Variants in EML4 observed in about 807,000 individuals in gnomAD.
The protein encoded by EML4 is echinoderm microtubule-associated protein-like 4.
Under a neutral mutation model 129.0 loss-of-function variants are expected in EML4, and 72 were observed. The ratio of observed to expected loss-of-function variants is 0.56; its 90% CI spans 0.46 to 0.68. The LOEUF (loss-of-function observed/expected upper bound fraction) is 0.68. Ranked by LOEUF, EML4 falls within the 30% of genes least tolerant of loss-of-function variation. EML4 has a pLI of 0.00. For missense variants in EML4, 1,363 were observed against 1,190.6 expected, an observed-to-expected ratio of 1.14 and a Z score of -2.13; for synonymous variants, 532 against 405.0, an observed-to-expected ratio of 1.31 and a Z score of -3.77.
At chr2:42,207,855 G>T (rs1022671636) in intron 1 of EML4, 5 of 152,130 alleles carry the variant, frequency 3.3e-5, no homozygotes, top group Non-Finnish European at 5.9e-5. Flanking sequence ...TAATTGTTCT[G>T]TGTTTTAGAC....
At chr2:42,176,357 A>C (rs1414499021) in intron 1 of EML4, among the ~76,000 whole-genome samples, 1 of 152,128 alleles carries the variant, frequency 6.6e-6, no homozygotes, top group Non-Finnish European at 1.5e-5. Context: ...TATTTTGTAC[A>C]GGGCCCTCAG....
Position 42,256,587 on chromosome 2 carries a change from G to A in EML4, c.295G>A (p.Val99Ile), listed in dbSNP as rs773766836. 3 of 1,613,878 alleles carry A rather than the reference G, an allele frequency of 1.9e-6. No homozygotes were observed. The highest frequency in any genetic ancestry group is 1.6e-4 in the Middle Eastern group (1 of 6,062). ...CAGAAAACCAAGTCATACCAGTGCT[G>A]TCTCAATTGCAGGAAAAGAAACTCT... is the stretch of plus-strand genomic sequence containing the variant. ...ANRKPSHTSA[V>I]SIAGKETLSS... is the part of the protein sequence containing the mutation. Residue 99 changes from valine to isoleucine, a missense_variant, in exon 3 of 23, where the codon GTC becomes ATC. Val to Ile is a conservative substitution (Grantham distance 29, BLOSUM62 3). Transcript: ENST00000318522.
At chr2:42,285,851 G>A (rs899892809) in intron 9 of EML4, 18 of 177,208 alleles carry the variant, frequency 1.0e-4, no homozygotes, top group African/African-American at 3.8e-4. Flanking sequence ...CGCCCGCCTC[G>A]GCCTCCCAAA....
chr2:42,283,460 TTTAAA>T (rs1468045285), intron 8 of EML4, among the ~76,000 whole-genome samples: 19 of 152,318 alleles, frequency 1.2e-4, no homozygotes, highest in Middle Eastern at 6.8e-3. Flanking sequence ...TTTAAATGCT[TTTAAA>T]TTATTTTGTT....
intron 13 of EML4, 80 bp from the exon 14 acceptor site, chr2:42,301,161 A>G: frequency 8.2e-7 from 1 of 1,221,972 alleles, no homozygotes; most frequent in Non-Finnish European, 1.2e-6. Context: ...CTCTAGTTCT[A>G]CTGAAGTTTT....
chr2:42,273,539 G>A (rs957451335), intron 6 of EML4, among the ~76,000 whole-genome samples: 1 of 152,116 alleles, frequency 6.6e-6, no homozygotes, highest in Non-Finnish European at 1.5e-5. Context: ...ACATGGTTAT[G>A]TCTCCAATCT....
At chr2:42,306,114 T>C (rs1338114530) in intron 17 of EML4, among the ~76,000 whole-genome samples, 1 of 152,212 alleles carries the variant, frequency 6.6e-6, no homozygotes, top group East Asian at 1.9e-4. Context: ...GGTGATACTT[T>C]GCAAATATAG....
chr2:42,209,686 TTGGGAG>T (rs1317934506), intron 1 of EML4, among the ~76,000 whole-genome samples: 1 of 152,224 alleles, frequency 6.6e-6, no homozygotes, highest in Non-Finnish European at 1.5e-5. Flanking sequence ...TCCCAGCACT[TTGGGAG>T]GCTGAGGCCT....
Position 42,256,608 on chromosome 2 carries a change from A to C in EML4, c.316A>C (p.Thr106Pro), listed in dbSNP as rs1468243793. The change falls in exon 3 of 23, where the codon ACT (threonine) becomes CCT (proline). Residue 106 changes from threonine (T) to proline (P), a missense_variant. Transcript: ENST00000318522. Reference protein sequence around the residue: ...TSAVSIAGKETLSSAAKSGTE... With the variant: ...TSAVSIAGKEPLSSAAKSGTE... ...TGCTGTCTCAATTGCAGGAAAAGAAACTCTTTCATCTGCTGCTAAAAGGTA... is the reference window on the plus strand; with the variant it reads ...TGCTGTCTCAATTGCAGGAAAAGAACCTCTTTCATCTGCTGCTAAAAGGTA... The C allele has an allele frequency of 6.2e-7, 1 of 1,613,740 alleles. No individual in the cohort carries two copies. Among genetic ancestry groups the C allele is most frequent in the African/African-American group, 1.3e-5 (1 of 75,022 alleles).
chr2:42,310,738 T>C (rs1164825425), intron 17 of EML4, among the ~76,000 whole-genome samples: 14 of 152,254 alleles, frequency 9.2e-5, no homozygotes. Flanking sequence ...TCATGGTGGC[T>C]CAGGCCCAAG....
intron 11 of EML4, chr2:42,288,559 C>A: frequency 4.1e-6 from 1 of 241,616 alleles, no homozygotes; most frequent in Non-Finnish European, 8.0e-6. Context: ...TTACTATAGT[C>A]CTGAAATGCC....
chr2:42,253,329 A>G (rs1052860719), intron 2 of EML4, among the ~76,000 whole-genome samples: 6 of 152,250 alleles, frequency 3.9e-5, no homozygotes. Context: ...GCAGATTTAT[A>G]GTAATTCGTC....
At chr2:42,268,372 C>T (rs775347656) in intron 6 of EML4, among the ~76,000 whole-genome samples, 1 of 152,182 alleles carries the variant, frequency 6.6e-6, no homozygotes, top group Non-Finnish European at 1.5e-5. Flanking sequence ...ATTTTGCTCT[C>T]TGCAGGAGAT....
intron 3 of EML4, 55 bp from the exon 4 acceptor site, chr2:42,261,065 GA>G (rs1181168497): frequency 3.0e-6 from 4 of 1,334,980 alleles, no homozygotes; most frequent in Non-Finnish European, 4.1e-6. Context: ...TCTATCGTTT[GA>G]TTTTTTTTCA....
intron 22 of EML4, 117 bp downstream of exon 22, chr2:42,329,133 AG>A: frequency 1.0e-6 from 1 of 965,156 alleles, no homozygotes; most frequent in Admixed American, 2.8e-5. Context: ...CAGTGCACAG[AG>A]GGAGATAAGG....
At chr2:42,184,642 C>T (rs1413548742) in intron 1 of EML4, among the ~76,000 whole-genome samples, 3 of 152,062 alleles carry the variant, frequency 2.0e-5, no homozygotes, top group African/African-American at 7.2e-5. Flanking sequence ...AATATCTCTC[C>T]TTTCTCTTAC....
chr2:42,328,985 A>G lies in EML4; in HGVS notation c.2441A>G (p.His814Arg), dbSNP rs750545727. 30 of 1,612,986 alleles carry G rather than the reference A, an allele frequency of 1.9e-5. No homozygotes were observed. The highest frequency in any genetic ancestry group is 1.9e-4 in the Middle Eastern group (1 of 5,388). Residue 814 changes from histidine (H) to arginine (R), a missense_variant, in exon 22 of 23, where the codon CAT becomes CGT. His to Arg is a conservative substitution (Grantham distance 29). Coordinates refer to ENST00000318522, the MANE Select transcript of EML4 (RefSeq NM_019063.5). ...IAVADDFCKV[H>R]LFQYPCSKAK... ...GTTGCCGATGACTTTTGTAAAGTCCATCTGTTTCAGTATCCCTGCTCCAAA... is the reference window on the plus strand; with the variant it reads ...GTTGCCGATGACTTTTGTAAAGTCCGTCTGTTTCAGTATCCCTGCTCCAAA...
At chr2:42,179,896 C>T (rs540459233) in intron 1 of EML4, among the ~76,000 whole-genome samples, 9 of 152,240 alleles carry the variant, frequency 5.9e-5, no homozygotes, top group South Asian at 4.1e-4. Flanking sequence ...CCACCACACC[C>T]GGCCATATGT....
At chr2:42,189,932 A>G (rs1039390934) in intron 1 of EML4, among the ~76,000 whole-genome samples, 1 of 152,108 alleles carries the variant, frequency 6.6e-6, no homozygotes, top group Non-Finnish European at 1.5e-5. Flanking sequence ...ATCATGAGAC[A>G]TATTACGAAG....
Sources: gnomAD v4.1 joint callset for allele counts (sites outside exome capture counted in the v4.1 genomes callset) on GRCh38, gnomAD v4.1.1 for gene constraint, MANE v1.5 for transcripts, NCBI Gene and HGNC (gene_info 2026-07-23, HGNC 2026-07-21) for gene names.